The following ARF1 variants were observed in gnomAD, a reference collection of about 807,000 sequenced individuals.
ARF1 encodes ADP-ribosylation factor 1.
A neutral mutation model predicts 18.0 loss-of-function variants in ARF1; 1 was observed. That is an observed-to-expected ratio of 0.06 (90% confidence interval 0.02 to 0.26). The LOEUF (loss-of-function observed/expected upper bound fraction) is 0.26. Ranked by LOEUF, ARF1 falls within the 10% of genes least tolerant of loss-of-function variation. ARF1 has a pLI of 1.00. For missense variants in ARF1, 73 were observed against 247.2 expected (o/e 0.30, Z 4.73); for synonymous variants, 112 against 96.3 (o/e 1.16, Z -0.95).
chr1:228,084,902 A>G (rs1033915013), intron 1 of ARF1, among the ~76,000 whole-genome samples: 2 of 152,348 alleles, frequency 1.3e-5, no homozygotes, highest in East Asian at 1.9e-4. Flanking sequence ...CTCACAGGCC[A>G]GGCTCCACCA....
In ARF1 at chr1:228,086,983, C is replaced by A. The variant is rs202182320; in HGVS notation, c.-38+4218C>A. 2.3e-4 allele frequency among the ~76,000 whole-genome samples: 35 copies of A among 152,280 alleles called. No homozygotes were observed. The East Asian group carries it at 4.2e-3, about 18-fold the overall frequency. On this transcript the variant is annotated intron_variant, in intron 1 of 4. Coordinates refer to ENST00000272102, the MANE Select transcript of ARF1 (RefSeq NM_001658.4). The stretch of plus-strand genomic sequence containing the variant: ...TGCTTGCTTGGCATGTAGGGAGAAA[C>A]CCCTGCTCATGTGGTGTGAGAAGCG...
At chr1:228,093,192 C>A (rs1208187487) in intron 1 of ARF1, among the ~76,000 whole-genome samples, 1 of 152,036 alleles carries the variant, frequency 6.6e-6, no homozygotes, top group African/African-American at 2.4e-5. Flanking sequence ...TTCCGATGAA[C>A]CTGAAAAGCG....
chr1:228,089,275 G>C lies in ARF1; in HGVS notation c.-38+6510G>C, dbSNP rs2032497695. 6.6e-6 allele frequency among the ~76,000 whole-genome samples: 1 copy of C among 152,198 alleles called. No homozygotes were observed. Among genetic ancestry groups the C allele is most frequent in the Non-Finnish European group, 1.5e-5 (1 of 68,032 alleles). ...TAGGTCACTTGAAGGGAGGTCCCCA[G>C]AGTGTCCCCGGGGTGTGCCTTTCTC... On this transcript the variant is annotated intron_variant, in intron 1 of 4. Coordinates refer to ENST00000272102, the MANE Select transcript of ARF1 (RefSeq NM_001658.4). The surrounding 1 kb of genome is among the most constrained non-coding windows in gnomAD (Gnocchi z 4.1).
chr1:228,097,764 C>T lies in ARF1; in HGVS notation c.384+49C>T, dbSNP rs375875865. On this transcript the variant is annotated intron_variant, in intron 4 of 4. Coordinates refer to ENST00000272102, the MANE Select transcript of ARF1 (RefSeq NM_001658.4). The surrounding 1 kb of genome is among the most constrained non-coding windows in gnomAD (Gnocchi z 8.1). ...GAATGTGAGGAGCCAGTGTGGGTTC[C>T]GCCTGGTGGTAGGGGTTACTGGAGG... 24 of 1,589,956 alleles carry T rather than the reference C, an allele frequency of 1.5e-5. No homozygotes were observed. The highest frequency in any genetic ancestry group is 2.3e-5 in the South Asian group (2 of 86,930).
Position 228,097,656 on chromosome 1 carries a change from AGGATGCTGGCCGAGGACGAGCTCCG to A in ARF1, c.334_358del (p.Ala112SerfsTer15), listed in dbSNP as rs752138967. 1 of 1,614,132 alleles carries A rather than the reference AGGATGCTGGCCGAGGACGAGCTCCG, an allele frequency of 6.2e-7. No individual in the cohort carries two copies. The highest frequency in any genetic ancestry group is 1.7e-5 in the Admixed American group (1 of 60,012). On this transcript the variant is annotated frameshift_variant, in exon 4 of 5. Transcript: ENST00000272102. LOFTEE classifies it high-confidence loss of function. The surrounding 1 kb of genome is among the most constrained non-coding windows in gnomAD (Gnocchi z 8.1). ...GAACGAGGCCCGTGAGGAGCTCATG[AGGATGCTGGCCGAGGACGAGCTCCG>A]GGATGCTGTCCTCCTGGTGTTCGCC...
intron 1 of ARF1, among the ~76,000 whole-genome samples, chr1:228,091,613 T>C (rs569038087): frequency 6.6e-6 from 1 of 152,354 alleles, no homozygotes; most frequent in African/African-American, 2.4e-5. Flanking sequence ...CCTCTGAGCA[T>C]GCCTTTTGAT....
intron 1 of ARF1, among the ~76,000 whole-genome samples, chr1:228,088,572 A>G (rs1408053715): frequency 6.6e-6 from 1 of 152,340 alleles, no homozygotes; most frequent in Non-Finnish European, 1.5e-5. Context: ...AGTTCCAGGA[A>G]CAAAATCACC....
At chr1:228,092,442 T>C (rs975062549) in intron 1 of ARF1, among the ~76,000 whole-genome samples, 24 of 152,196 alleles carry the variant, frequency 1.6e-4, no homozygotes, top group Admixed American at 6.5e-5. Context: ...AGTGAGGCCC[T>C]GTCTCAAAAA....
intron 1 of ARF1, among the ~76,000 whole-genome samples, chr1:228,094,524 A>T (rs926180347): frequency 2.0e-5 from 3 of 152,068 alleles, no homozygotes; most frequent in Non-Finnish European, 4.4e-5. Flanking sequence ...GCCCAACCCC[A>T]TAATAAGAAT....
chr1:228,091,388 G>A (rs2032572840), intron 1 of ARF1, among the ~76,000 whole-genome samples: 1 of 152,160 alleles, frequency 6.6e-6, no homozygotes, highest in African/African-American at 2.4e-5. Flanking sequence ...TGGCTGTGGG[G>A]TCACTGTGTC....
Position 228,098,169 on chromosome 1 carries a change from A to G in ARF1, c.*156A>G. 2.3e-6 allele frequency: 2 copies of G among 864,322 alleles called. No individual in the cohort carries two copies. The highest frequency in any genetic ancestry group is 3.4e-6 in the Non-Finnish European group (2 of 594,472). The allele number at this position is 864,322 out of a possible 1,614,324, so 53.5% of individuals were successfully genotyped here. ...AATGTGGCAGACGCAGCCTGCGGCC[A>G]GGCTTTTTATTTAATGTAAATAGTT... On this transcript the variant is annotated 3_prime_UTR_variant, in exon 5 of 5. Coordinates refer to ENST00000272102, the MANE Select transcript of ARF1 (RefSeq NM_001658.4).
rs1385671970 is a variant in ARF1 at position 228,097,323 on chromosome 1, C to T, written c.149-19C>T. On this transcript the variant is annotated intron_variant, in intron 2 of 4. Transcript: ENST00000272102. This position sits in a 1 kb window ranked among gnomAD's most constrained non-coding sequence, Gnocchi z 8.1. ...GGCTGGGCCAAGGTACAAGGCCTCA[C>T]CCTGCATCCCGCACCCAGGCTTCAA... 2.5e-6 allele frequency: 4 copies of T among 1,612,656 alleles called. No homozygotes were observed. The highest frequency in any genetic ancestry group is 4.5e-5 in the East Asian group (2 of 44,866).
chr1:228,098,835 T>C lies in ARF1; in HGVS notation c.*822T>C, dbSNP rs184526515. 145 of 152,810 alleles carry C rather than the reference T, an allele frequency of 9.5e-4. 2 individuals carry two copies. In the East Asian group the frequency reaches 0.015, roughly 16 times the overall value. The allele number at this position is 152,810 out of a possible 1,614,324, so 9.5% of individuals were successfully genotyped here. ...AACACTCGTGCTCGCTCAGACACTTTGGCAGGATGTCTGGGGCCTCACCAG... is the reference window on the plus strand; with the variant it reads ...AACACTCGTGCTCGCTCAGACACTTCGGCAGGATGTCTGGGGCCTCACCAG... On this transcript the variant is annotated 3_prime_UTR_variant, in exon 5 of 5. Transcript: ENST00000272102.
intron 1 of ARF1, among the ~76,000 whole-genome samples, chr1:228,084,319 G>GT (rs1329810167): frequency 1.3e-5 from 2 of 152,242 alleles, no homozygotes; most frequent in Admixed American, 1.3e-4. Flanking sequence ...CACATTGTTA[G>GT]AGTGTGTTGT....
chr1:228,095,854 G>A (rs1477522527), intron 1 of ARF1, among the ~76,000 whole-genome samples: 1 of 152,218 alleles, frequency 6.6e-6, no homozygotes. Context: ...TCTGGGCTTA[G>A]AAAACCTGGC....
rs147354087 is a variant in ARF1 at position 228,097,631 on chromosome 1, G to A, written c.300G>A (p.Val100=). 4.2e-4 allele frequency: 682 copies of A among 1,614,166 alleles called. 1 individual carries two copies. In the African/African-American group the frequency reaches 8.2e-3, roughly 19 times the overall value. The change falls in exon 4 of 5, where the codon GTG becomes GTA. Residue 100 remains valine (V), a synonymous_variant. Coordinates refer to ENST00000272102, the MANE Select transcript of ARF1 (RefSeq NM_001658.4). This position sits in a 1 kb window ranked among gnomAD's most constrained non-coding sequence, Gnocchi z 8.1. ...TGGACAGCAATGACAGAGAGCGTGT[G>A]AACGAGGCCCGTGAGGAGCTCATGA... ...FVVDSNDRER[V]NEAREELMRM...
At chr1:228,095,217 T>C (rs554494125) in intron 1 of ARF1, among the ~76,000 whole-genome samples, 1 of 151,798 alleles carries the variant, frequency 6.6e-6, no homozygotes, top group Admixed American at 6.6e-5. Context: ...TCCTTGCAGA[T>C]TCCTTTTATA....
chr1:228,096,867 G>C (rs937620133), intron 1 of ARF1, among the ~76,000 whole-genome samples: 12 of 152,216 alleles, frequency 7.9e-5, no homozygotes, highest in African/African-American at 2.9e-4. Context: ...CAAGATGAGG[G>C]CAACAGTTTC....
At chr1:228,095,527 TTTTG>T (rs1485293381) in intron 1 of ARF1, among the ~76,000 whole-genome samples, 4 of 152,128 alleles carry the variant, frequency 2.6e-5, no homozygotes, top group African/African-American at 9.7e-5. Context: ...TTTTGGGGGT[TTTTG>T]TTTTGGTTTG....
Sources: gnomAD v4.1 joint callset for allele counts (sites outside exome capture counted in the v4.1 genomes callset) on GRCh38, gnomAD v4.1.1 for gene constraint, Gnocchi (gnomAD v3.1) non-coding constraint, MANE v1.5 for transcripts, NCBI Gene and HGNC (gene_info 2026-07-23, HGNC 2026-07-21) for gene names.